Variants in SULF2 observed in about 807,000 individuals in gnomAD.
SULF2 encodes the protein extracellular sulfatase Sulf-2.
Under a neutral mutation model 107.7 loss-of-function variants are expected in SULF2, and 52 were observed. The observed-to-expected ratio is 0.48, with a 90% CI of 0.39 to 0.61. SULF2 has a LOEUF of 0.61. Among genes scored for constraint, SULF2 ranks in the 20% least tolerant of loss-of-function variants. The probability of loss-of-function intolerance (pLI) is 0.00; values close to 1 mark genes in which losing one functional copy is unlikely to be tolerated. For missense variants in SULF2, 993 were observed against 1,177.3 expected (o/e 0.84, Z 2.29); for synonymous variants, 460 against 464.3 (o/e 0.99, Z 0.12).
At chr20:47,734,454 T>C (rs548184478) in intron 3 of SULF2, among the ~76,000 whole-genome samples, 1 of 152,362 alleles carries the variant, frequency 6.6e-6, no homozygotes, top group South Asian at 2.1e-4. Context: ...TAGATTTTTG[T>C]CATTTTTCTT....
chr20:47,764,918 T>C (rs2090496192), intron 1 of SULF2, among the ~76,000 whole-genome samples: 1 of 152,174 alleles, frequency 6.6e-6, no homozygotes, highest in Non-Finnish European at 1.5e-5. Context: ...ACCTTGTGAG[T>C]TGGGATGCTC....
At chr20:47,727,183 T>C (rs185744634) in intron 3 of SULF2, among the ~76,000 whole-genome samples, 1 of 152,312 alleles carries the variant, frequency 6.6e-6, no homozygotes, top group East Asian at 1.9e-4. Context: ...AACATGGTGT[T>C]GTAAGATGAA....
At chr20:47,683,508 A>C (rs1446933897) in intron 6 of SULF2, among the ~76,000 whole-genome samples, 2 of 152,186 alleles carry the variant, frequency 1.3e-5, no homozygotes, top group African/African-American at 4.8e-5. Flanking sequence ...GTACACTGGC[A>C]CTCAATAATG....
At chr20:47,777,144 A>T (rs1033363691) in intron 1 of SULF2, among the ~76,000 whole-genome samples, 2 of 152,346 alleles carry the variant, frequency 1.3e-5, no homozygotes, top group East Asian at 3.9e-4. Context: ...CCAGAGAGTG[A>T]TAAGTGTTAT....
At chr20:47,663,023 A>G (rs368452370) in intron 17 of SULF2, 47 bp downstream of exon 17, 3 of 1,608,776 alleles carry the variant, frequency 1.9e-6, no homozygotes, top group Non-Finnish European at 2.6e-6. Context: ...ACCTGGCAGC[A>G]CTGGTGTACC....
At position 47,672,360 on chromosome 20, in the gene SULF2, G is replaced by C. The variant is rs200406397; in HGVS notation, c.1414C>G (p.Leu472Val). ...WQCVEDATGKLKLHKCKGPMR... is the reference protein window; with the variant it reads ...WQCVEDATGKVKLHKCKGPMR... The stretch of plus-strand genomic sequence containing the variant: ...GGGCCCTTGCACTTATGCAGCTTCA[G>C]CTTCCCCGTGGCGTCCTCCACACAC... The change falls in exon 11 of 21, where the codon CTG becomes GTG. Residue 472 changes from leucine (L) to valine (V), a missense_variant. This residue lies in a region of SULF2 where 497 missense variants were observed against 544.1 expected (regional missense o/e 0.91). Coordinates refer to ENST00000688720, the MANE Select transcript of SULF2 (RefSeq NM_001387048.1). 37 of 1,612,374 alleles carry C rather than the reference G, an allele frequency of 2.3e-5. No individual in the cohort carries two copies. Among genetic ancestry groups the C allele is most frequent in the Non-Finnish European group, 3.1e-5 (36 of 1,179,822 alleles).
chr20:47,686,504 G>A (rs921546924), intron 5 of SULF2, among the ~76,000 whole-genome samples: 6 of 152,312 alleles, frequency 3.9e-5, no homozygotes, highest in African/African-American at 1.4e-4. Context: ...TGCAAATCTG[G>A]CCTCTCTTCC....
chr20:47,736,823 T>C lies in SULF2; in HGVS notation c.295A>G (p.Lys99Glu), dbSNP rs200180017. 6.2e-7 allele frequency: 1 copy of C among 1,614,190 alleles called. No individual in the cohort carries two copies. The highest frequency in any genetic ancestry group is 1.3e-5 in the African/African-American group (1 of 75,054). ...TAGGTGTTGTGGTTGTGGACGTACTTGCCAGTGAGGATGGAGGAGCGTGAG... is the reference window on the plus strand; with the variant it reads ...TAGGTGTTGTGGTTGTGGACGTACTCGCCAGTGAGGATGGAGGAGCGTGAG... ...CPSRSSILTG[K>E]YVHNHNTYTN... The change falls in exon 3 of 21, where the codon AAG becomes GAG. Residue 99 changes from lysine to glutamate, a missense_variant. Transcript: ENST00000688720.
At chr20:47,765,163 A>G (rs2090501545) in intron 1 of SULF2, among the ~76,000 whole-genome samples, 1 of 152,094 alleles carries the variant, frequency 6.6e-6, no homozygotes, top group African/African-American at 2.4e-5. Flanking sequence ...CATCCTGGGT[A>G]ACACGGTGAA....
chr20:47,665,231 C>A lies in SULF2; in HGVS notation c.1965G>T (p.Lys655Asn), dbSNP rs776663349. ...TGTGACAGTCACATTCTTCTGGCCG[C>A]TTTTTCTTCAGGTGACCTCGGACTT... ...LREVRGHLKK[K>N]RPEECDCHKI... Residue 655 changes from lysine (K) to asparagine (N), a missense_variant, in exon 14 of 21, where the codon AAG becomes AAT. Lys to Asn is a moderately conservative substitution (Grantham distance 94). Coordinates refer to ENST00000688720, the MANE Select transcript of SULF2 (RefSeq NM_001387048.1). 15 of 1,614,158 alleles carry A rather than the reference C, an allele frequency of 9.3e-6. No homozygotes were observed. Among genetic ancestry groups the A allele is most frequent in the Non-Finnish European group, 1.3e-5 (15 of 1,179,976 alleles).
rs143394839 is a variant in SULF2 at position 47,665,665 on chromosome 20, G to A, written c.1902+192C>T. Reference sequence around the variant, plus strand: ...GTGGCTAAGCCATCGTCCCTCAGACGGCCTGGGCAGGAAGCTATCTGTCTC... The same window carrying A: ...GTGGCTAAGCCATCGTCCCTCAGACAGCCTGGGCAGGAAGCTATCTGTCTC... On this transcript the variant is annotated intron_variant, in intron 13 of 20. Transcript: ENST00000688720. Among the ~76,000 whole-genome samples, 444 of 152,330 alleles carry A rather than the reference G, an allele frequency of 2.9e-3. 1 individual carries two copies. Among genetic ancestry groups the A allele is most frequent in the African/African-American group, 0.01 (427 of 41,566 alleles).
Position 47,684,626 on chromosome 20 carries a change from T to G in SULF2, c.738-45A>C, listed in dbSNP as rs1461965190. 10 of 1,593,636 alleles carry G rather than the reference T, an allele frequency of 6.3e-6. 1 individual carries two copies. The South Asian group carries it at 1.0e-4, about 16-fold the overall frequency. ...ACATCGGTCAAACCCAGGGACAGCCTGGACCCTGCCTGGCCCCCGCCAGAC... is the reference window on the plus strand; with the variant it reads ...ACATCGGTCAAACCCAGGGACAGCCGGGACCCTGCCTGGCCCCCGCCAGAC... On this transcript the variant is annotated intron_variant, in intron 5 of 20. Transcript: ENST00000688720.
intron 3 of SULF2, among the ~76,000 whole-genome samples, chr20:47,730,142 G>A (rs1169763044): frequency 6.6e-6 from 1 of 152,166 alleles, no homozygotes; most frequent in Non-Finnish European, 1.5e-5. Context: ...TGCGAGAAGA[G>A]TGAAAATAAC....
intron 1 of SULF2, among the ~76,000 whole-genome samples, chr20:47,766,600 C>G (rs752750906): frequency 6.6e-6 from 1 of 152,216 alleles, no homozygotes; most frequent in Non-Finnish European, 1.5e-5. Context: ...AGGCACAGTT[C>G]TTGGCACTGT....
intron 1 of SULF2, among the ~76,000 whole-genome samples, chr20:47,760,519 T>C (rs1310353207): frequency 2.6e-5 from 4 of 152,138 alleles, no homozygotes; most frequent in Non-Finnish European, 5.9e-5. Context: ...TACCGGTTCC[T>C]CGGTGCAGCA....
intron 4 of SULF2, among the ~76,000 whole-genome samples, chr20:47,700,835 G>A (rs897705367): frequency 5.3e-5 from 8 of 151,912 alleles, no homozygotes; most frequent in South Asian, 4.2e-4. Flanking sequence ...TAGTGGAGAC[G>A]GGGTTTCACC....
chr20:47,762,119 G>A (rs563159196), intron 1 of SULF2, among the ~76,000 whole-genome samples: 9 of 152,072 alleles, frequency 5.9e-5, no homozygotes, highest in Admixed American at 3.9e-4. Flanking sequence ...ACCCAGTCTC[G>A]GGTATGTCTT....
chr20:47,736,923 G>T lies in SULF2; in HGVS notation c.195C>A (p.Asn65Lys). Residue 65 changes from asparagine to lysine, a missense_variant, in exon 3 of 21, where the codon AAC becomes AAA. Asn to Lys is a moderately conservative substitution (Grantham distance 94, BLOSUM62 0). Coordinates refer to ENST00000688720, the MANE Select transcript of SULF2 (RefSeq NM_001387048.1). ...CCTGCTCCATGATGCGCCGGGTCTT[G>T]TTCATCACCTGCATGGAACCTGCAA... Reference protein sequence around the residue: ...DVELGSMQVMNKTRRIMEQGG... With the variant: ...DVELGSMQVMKKTRRIMEQGG... 1 of 1,614,210 alleles carries T rather than the reference G, an allele frequency of 6.2e-7. No homozygotes were observed. The highest frequency in any genetic ancestry group is 8.5e-7 in the Non-Finnish European group (1 of 1,180,022).
intron 4 of SULF2, among the ~76,000 whole-genome samples, chr20:47,690,909 C>G (rs1035118424): frequency 6.6e-6 from 1 of 151,494 alleles, no homozygotes; most frequent in Non-Finnish European, 1.5e-5. Flanking sequence ...ATAGCTAACA[C>G]TATTGAGTGC....
Sources: gnomAD v4.1 joint callset for allele counts (sites outside exome capture counted in the v4.1 genomes callset) on GRCh38, gnomAD v4.1.1 for gene constraint, gnomAD v4.1.1 regional missense constraint, MANE v1.5 for transcripts, NCBI Gene and HGNC (gene_info 2026-07-23, HGNC 2026-07-21) for gene names.